Variants in KCNIP1 observed in about 807,000 individuals in gnomAD.
KCNIP1 encodes A-type potassium channel modulatory protein KCNIP1.
A neutral mutation model predicts 33.0 loss-of-function variants in KCNIP1; 18 were observed. The observed-to-expected ratio is 0.55, with a 90% CI of 0.38 to 0.81. The LOEUF is 0.81. KCNIP1 is among the 30% of genes least tolerant of loss of function. The pLI is 0.00. For missense variants in KCNIP1, 238 were observed against 271.6 expected (o/e 0.88, Z 0.87); for synonymous variants, 93 against 98.3 (o/e 0.95, Z 0.32).
intron 1 of KCNIP1, among the ~76,000 whole-genome samples, chr5:170,592,528 A>AT (rs150152541): frequency 0.033 from 5,025 of 152,292 alleles, 134 homozygotes; most frequent in Non-Finnish European, 0.051. Context: ...CATCATGTTG[A>AT]TTTACTTATC....
chr5:170,635,622 G>C (rs146498573), intron 1 of KCNIP1, among the ~76,000 whole-genome samples: 18 of 152,366 alleles, frequency 1.2e-4, no homozygotes, highest in African/African-American at 4.3e-4. Flanking sequence ...TATCACTGCT[G>C]TCTCTATCAG....
intron 1 of KCNIP1, among the ~76,000 whole-genome samples, chr5:170,507,925 A>G (rs1304230261): frequency 6.6e-6 from 1 of 152,210 alleles, no homozygotes; most frequent in African/African-American, 2.4e-5. Flanking sequence ...TCTGCATCCC[A>G]GTCCCAGATA....
rs1019710815 is a variant in KCNIP1 at position 170,623,222 on chromosome 5, C to CT, written c.62-95528dup. Among the ~76,000 whole-genome samples, 17 of 136,994 alleles carry CT rather than the reference C, an allele frequency of 1.2e-4. No individual in the cohort carries two copies. The East Asian group carries it at 2.4e-3, about 19-fold the overall frequency. 89.9% of individuals were successfully genotyped at this position (136,994 alleles called of 152,430 possible). ...TGGCGACCCCTGTCTTTTTTTTTTT[C>CT]TTTTTTTTGAGATGGAGTTTCGCTC... is the stretch of plus-strand genomic sequence containing the variant. On this transcript the variant is annotated intron_variant, in intron 1 of 7. Coordinates refer to ENST00000328939, the MANE Select transcript of KCNIP1 (RefSeq NM_014592.4).
At chr5:170,581,012 A>G (rs974001129) in intron 1 of KCNIP1, among the ~76,000 whole-genome samples, 10 of 152,178 alleles carry the variant, frequency 6.6e-5, no homozygotes, top group African/African-American at 2.4e-4. Context: ...GACCCCAAGT[A>G]TAAGAGATTC....
intron 1 of KCNIP1, among the ~76,000 whole-genome samples, chr5:170,424,927 A>T (rs1755578874): frequency 6.6e-6 from 1 of 152,124 alleles, no homozygotes; most frequent in Admixed American, 6.5e-5. Flanking sequence ...TGGTCTTCAG[A>T]CACAATAAGC....
intron 5 of KCNIP1, among the ~76,000 whole-genome samples, chr5:170,723,889 G>A (rs1296300712): frequency 6.6e-6 from 1 of 152,158 alleles, no homozygotes. Context: ...GAGGCTTTGA[G>A]GCAAGATAGA....
intron 1 of KCNIP1, among the ~76,000 whole-genome samples, chr5:170,497,262 G>A (rs192044240): frequency 9.5e-4 from 144 of 152,252 alleles, no homozygotes; most frequent in African/African-American, 3.2e-3. Context: ...AACCTCCCAG[G>A]TACCACACTA....
chr5:170,604,086 T>C (rs2113595543), intron 1 of KCNIP1, among the ~76,000 whole-genome samples: 1 of 152,178 alleles, frequency 6.6e-6, no homozygotes, highest in African/African-American at 2.4e-5. Context: ...TCCCCTGGCA[T>C]GGTGACGGCC....
Position 170,454,400 on chromosome 5 carries a change from G to A in KCNIP1, c.88+100436G>A, listed in dbSNP as rs188910085. 2.6e-5 allele frequency among the ~76,000 whole-genome samples: 4 copies of A among 152,316 alleles called. No individual in the cohort carries two copies. In the East Asian group the frequency reaches 7.7e-4, roughly 29 times the overall value. On this transcript the variant is annotated intron_variant, in intron 1 of 7. Transcript: ENST00000377360. ...TGAAACAAAGAGATTGGCATTAAATGTAATGAAGGACTAGAGGAGTGTACC... is the reference window on the plus strand; with the variant it reads ...TGAAACAAAGAGATTGGCATTAAATATAATGAAGGACTAGAGGAGTGTACC...
chr5:170,451,579 C>CAA (rs11365624), intron 1 of KCNIP1, among the ~76,000 whole-genome samples: 3 of 143,626 alleles, frequency 2.1e-5, no homozygotes, highest in African/African-American at 7.6e-5. Context: ...CCTGAACTTG[C>CAA]AAAAAAAAAA....
Position 170,504,237 on chromosome 5 carries a change from C to T in KCNIP1, c.-336C>T. 2 of 1,084,182 alleles carry T rather than the reference C, an allele frequency of 1.8e-6. No individual in the cohort carries two copies. Among genetic ancestry groups the T allele is most frequent in the Non-Finnish European group, 2.2e-6 (2 of 894,536 alleles). 67.2% of individuals were successfully genotyped at this position (1,084,182 alleles called of 1,614,324 possible). ...CGCTGGCTCGGCAGCCTCGGCCGGGCGGCCGCTCTGGCCCCGTGTCCAGTG... is the reference window on the plus strand; with the variant it reads ...CGCTGGCTCGGCAGCCTCGGCCGGGTGGCCGCTCTGGCCCCGTGTCCAGTG... On this transcript the variant is annotated 5_prime_UTR_variant, in exon 1 of 8. Coordinates refer to ENST00000328939, the MANE Select transcript of KCNIP1 (RefSeq NM_014592.4). This position sits in a 1 kb window ranked among gnomAD's most constrained non-coding sequence, Gnocchi z 6.0.
intron 1 of KCNIP1, among the ~76,000 whole-genome samples, chr5:170,454,965 G>A (rs531002605): frequency 6.6e-6 from 1 of 152,110 alleles, no homozygotes; most frequent in African/African-American, 2.4e-5. Context: ...TGTTAATACA[G>A]ATAGAAAGGG....
intron 1 of KCNIP1, chr5:170,679,116 T>A (rs1762242391): frequency 6.6e-6 from 1 of 152,158 alleles, no homozygotes; most frequent in Non-Finnish European, 1.5e-5. Flanking sequence ...GCAGATGGGA[T>A]CTGGAATGGT....
intron 1 of KCNIP1, among the ~76,000 whole-genome samples, chr5:170,509,590 G>GAGAA (rs1754855832): frequency 6.6e-6 from 1 of 152,232 alleles, no homozygotes; most frequent in Admixed American, 6.5e-5. Context: ...CAGTAAAGGA[G>GAGAA]TGAATGAATG....
At chr5:170,422,779 A>G (rs1340111301) in intron 1 of KCNIP1, 1 of 152,232 alleles carries the variant, frequency 6.6e-6, no homozygotes, top group Non-Finnish European at 1.5e-5. Flanking sequence ...TTAACATTTT[A>G]TGATTTTCCC....
chr5:170,581,308 C>T (rs1236625455), intron 1 of KCNIP1, among the ~76,000 whole-genome samples: 1 of 152,168 alleles, frequency 6.6e-6, no homozygotes, highest in African/African-American at 2.4e-5. Context: ...CAGGCTAGAC[C>T]CAGGACTCAC....
upstream of KCNIP1, among the ~76,000 whole-genome samples, chr5:170,502,841 T>C (rs947005284): frequency 1.3e-5 from 2 of 152,032 alleles, no homozygotes; most frequent in African/African-American, 4.8e-5. Flanking sequence ...CAGCTCAGAC[T>C]TGGGGGAGGG....
chr5:170,559,868 A>G (rs1756972230), intron 1 of KCNIP1, among the ~76,000 whole-genome samples: 2 of 152,166 alleles, frequency 1.3e-5, no homozygotes, highest in Non-Finnish European at 2.9e-5. Flanking sequence ...CTCAGCCTGA[A>G]CCTTAGACAG....
At position 170,548,014 on chromosome 5, in the gene KCNIP1, C is replaced by A. The variant is rs192597621; in HGVS notation, c.61+43381C>A. On this transcript the variant is annotated intron_variant, in intron 1 of 7. Coordinates refer to ENST00000328939, the MANE Select transcript of KCNIP1 (RefSeq NM_014592.4). ...CAGTATAACATCGCTCCTTTTTCTGCACAACCTCGCCAGCATCTGTTATTT... is the reference window on the plus strand; with the variant it reads ...CAGTATAACATCGCTCCTTTTTCTGAACAACCTCGCCAGCATCTGTTATTT... Among the ~76,000 whole-genome samples, 235 of 152,302 alleles carry A rather than the reference C, an allele frequency of 1.5e-3. 1 individual carries two copies. In the Middle Eastern group the frequency reaches 0.017, roughly 11 times the overall value.
Sources: allele counts gnomAD v4.1 joint callset (sites outside exome capture counted in the v4.1 genomes callset), GRCh38; gene constraint gnomAD v4.1.1; non-coding constraint Gnocchi (gnomAD v3.1); transcripts MANE v1.5; gene names NCBI Gene and HGNC (gene_info 2026-07-23, HGNC 2026-07-21).